Variants in CSTPP1 observed in about 807,000 individuals in gnomAD.
The protein encoded by CSTPP1 is UPF0705 protein C11orf49.
the CSTPP1 span, among the ~76,000 whole-genome samples, chr11:46,999,162 C>T: frequency 3.9e-5 from 6 of 151,988 alleles, no homozygotes; most frequent in Middle Eastern, 6.8e-3. Context: ...GGGCAAATTT[C>T]TGAAATATGG....
chr11:47,157,796 G>T, the CSTPP1 span: 2 of 1,610,012 alleles, frequency 1.2e-6, no homozygotes, highest in East Asian at 4.5e-5. Context: ...TCTGAATGTG[G>T]CATCTCTCCT....
At chr11:46,999,710 G>A in the CSTPP1 span, among the ~76,000 whole-genome samples, 1 of 152,138 alleles carries the variant, frequency 6.6e-6, no homozygotes, top group Admixed American at 6.6e-5. Context: ...TATGTTAACG[G>A]TATCCTTCCA....
chr11:47,110,731 A>G, the CSTPP1 span, among the ~76,000 whole-genome samples: 1 of 152,082 alleles, frequency 6.6e-6, no homozygotes, highest in African/African-American at 2.4e-5. Flanking sequence ...GGGTATCTTC[A>G]TCTAGCCTTT....
the CSTPP1 span, chr11:47,109,319 A>G: frequency 1.3e-5 from 2 of 152,068 alleles, no homozygotes; most frequent in African/African-American, 2.4e-5. Flanking sequence ...CCCTTTGGCT[A>G]GGAAAATGAG....
At chr11:46,985,896 G>C in the CSTPP1 span, among the ~76,000 whole-genome samples, 1 of 152,170 alleles carries the variant, frequency 6.6e-6, no homozygotes, top group Non-Finnish European at 1.5e-5. Flanking sequence ...TGAGAATGGA[G>C]CTCTCAACTC....
chr11:46,936,927 CGGGGTCTGAGT>C, the CSTPP1 span: 1 of 234,828 alleles, frequency 4.3e-6, no homozygotes, highest in Non-Finnish European at 6.0e-6. Flanking sequence ...GAGGCGGGGG[CGGGGTCTGAGT>C]GGGATCGGGT....
At chr11:47,149,577 A>C in the CSTPP1 span, among the ~76,000 whole-genome samples, 1 of 152,200 alleles carries the variant, frequency 6.6e-6, no homozygotes, top group South Asian at 2.1e-4. Flanking sequence ...CTTTTCCCAT[A>C]GTTCTGCTGA....
At chr11:47,006,819 T>C in the CSTPP1 span, among the ~76,000 whole-genome samples, 2 of 150,594 alleles carry the variant, frequency 1.3e-5, no homozygotes, top group Admixed American at 1.3e-4. Flanking sequence ...CTCAAACTCC[T>C]GGGCTCAAGT....
chr11:46,974,418 C>T, the CSTPP1 span, among the ~76,000 whole-genome samples: 1 of 150,828 alleles, frequency 6.6e-6, no homozygotes, highest in African/African-American at 2.4e-5. Flanking sequence ...ATCCCAGCTA[C>T]TTGGGAGGCT....
At chr11:47,101,356 T>C in the CSTPP1 span, among the ~76,000 whole-genome samples, 1 of 151,246 alleles carries the variant, frequency 6.6e-6, no homozygotes, top group Non-Finnish European at 1.5e-5. Flanking sequence ...GAAGAGCCCT[T>C]TTAGGTAGTA....
the CSTPP1 span, among the ~76,000 whole-genome samples, chr11:47,067,115 G>A: frequency 6.6e-6 from 1 of 152,158 alleles, no homozygotes; most frequent in Non-Finnish European, 1.5e-5. Flanking sequence ...ATACAGATAA[G>A]TAGCTTCAAA....
At chr11:47,089,152 G>A in the CSTPP1 span, among the ~76,000 whole-genome samples, 5 of 152,050 alleles carry the variant, frequency 3.3e-5, no homozygotes, top group Non-Finnish European at 7.4e-5. Context: ...CTCCCCTGAG[G>A]GCAAGGAGTA....
chr11:47,122,414 G>A, the CSTPP1 span, among the ~76,000 whole-genome samples: 1 of 151,720 alleles, frequency 6.6e-6, no homozygotes, highest in African/African-American at 2.4e-5. Flanking sequence ...TGAGAACGAG[G>A]GACATGGAAA....
chr11:46,959,904 T>C, the CSTPP1 span, among the ~76,000 whole-genome samples: 1 of 150,638 alleles, frequency 6.6e-6, no homozygotes, highest in Non-Finnish European at 1.5e-5. Flanking sequence ...TCTTTCTCTG[T>C]AACCCAGGCT....
the CSTPP1 span, among the ~76,000 whole-genome samples, chr11:46,963,039 T>C: frequency 1.3e-5 from 2 of 152,238 alleles, no homozygotes; most frequent in Non-Finnish European, 2.9e-5. Context: ...TAGGATTTTT[T>C]ATACCAGATA....
the CSTPP1 span, among the ~76,000 whole-genome samples, chr11:47,091,119 C>T: frequency 6.8e-6 from 1 of 146,536 alleles, no homozygotes; most frequent in African/African-American, 2.5e-5. Flanking sequence ...TGGCTGGGGG[C>T]GGTGGCTCAC....
the CSTPP1 span, among the ~76,000 whole-genome samples, chr11:46,996,711 T>C: frequency 1.3e-5 from 2 of 152,224 alleles, no homozygotes; most frequent in Non-Finnish European, 2.9e-5. Context: ...TACTGGTTTT[T>C]CCTTTCCACG....
At chr11:47,095,900 T>C in the CSTPP1 span, among the ~76,000 whole-genome samples, 2 of 152,164 alleles carry the variant, frequency 1.3e-5, no homozygotes, top group Admixed American at 6.5e-5. Context: ...TAATTGTAGA[T>C]GGACAGAGGC....
chr11:47,099,150 A>C, the CSTPP1 span, among the ~76,000 whole-genome samples: 1 of 152,196 alleles, frequency 6.6e-6, no homozygotes, highest in South Asian at 2.1e-4. Flanking sequence ...TCTCTGTCAC[A>C]AATCTGCTTT....
Sources: allele counts gnomAD v4.1 joint callset (sites outside exome capture counted in the v4.1 genomes callset), GRCh38; gene constraint gnomAD v4.1.1; transcripts MANE v1.5; gene names NCBI Gene and HGNC (gene_info 2026-07-23, HGNC 2026-07-21).